TOP1: variants seen among roughly 807,000 people sequenced by gnomAD.
The protein encoded by TOP1 is DNA topoisomerase 1.
Under a neutral mutation model 111.1 loss-of-function variants are expected in TOP1, and 10 were observed. The ratio of observed to expected loss-of-function variants is 0.09; its 90% confidence interval spans 0.06 to 0.15. TOP1 has a LOEUF of 0.15. TOP1 is among the 10% of genes least tolerant of loss of function. The pLI is 1.00. For synonymous variants in TOP1, 271 were observed against 302.9 expected (o/e 0.89, Z 1.10); for missense variants, 474 against 926.7 (o/e 0.51, Z 6.34).
Position 41,116,534 on chromosome 20 carries a change from G to A in TOP1, c.1822+142G>A, listed in dbSNP as rs552471795. 121 of 606,228 alleles carry A rather than the reference G, an allele frequency of 2.0e-4. 1 individual carries two copies. Among genetic ancestry groups the A allele is most frequent in the Non-Finnish European group, 2.9e-4 (98 of 339,446 alleles). The allele number at this position is 606,228 out of a possible 1,614,324, so 37.6% of individuals were successfully genotyped here. A position where few individuals can be genotyped will look rare whatever the true frequency, so the allele number is the denominator to read the frequency against. ...TTTTTCCCTTTAGACCTCTAGTAGCGAGATAATGCTTTGTTGTATAAACAT... is the reference window on the plus strand; with the variant it reads ...TTTTTCCCTTTAGACCTCTAGTAGCAAGATAATGCTTTGTTGTATAAACAT... On this transcript the variant is annotated intron_variant, in intron 17 of 20. Transcript: ENST00000361337. This position sits in a 1 kb window ranked among gnomAD's most constrained non-coding sequence, Gnocchi z 5.6.
chr20:41,042,965 G>A (rs2033286567), intron 2 of TOP1, among the ~76,000 whole-genome samples: 1 of 152,200 alleles, frequency 6.6e-6, no homozygotes, highest in Admixed American at 6.5e-5. Context: ...AGGCTGAGGG[G>A]GAAGAGGAGA....
intron 2 of TOP1, among the ~76,000 whole-genome samples, chr20:41,042,869 A>T (rs1346924357): frequency 2.0e-5 from 3 of 152,232 alleles, no homozygotes; most frequent in Non-Finnish European, 2.9e-5. Flanking sequence ...TATTAAGAAA[A>T]TTGTAAGGAA....
At position 41,083,530 on chromosome 20, in the gene TOP1, T is replaced by C. The variant is rs917865905; in HGVS notation, c.508-932T>C. Reference sequence around the variant, plus strand: ...ATATGACCTTGATCAAGTGACAAAATATGTTTCAAAGTCCTTGATTGTAAC... The same window carrying C: ...ATATGACCTTGATCAAGTGACAAAACATGTTTCAAAGTCCTTGATTGTAAC... On this transcript the variant is annotated intron_variant, in intron 7 of 20. Transcript: ENST00000361337. This position sits in a 1 kb window ranked among gnomAD's most constrained non-coding sequence, Gnocchi z 7.2. 6.6e-6 allele frequency among the ~76,000 whole-genome samples: 1 copy of C among 152,202 alleles called. No homozygotes were observed. Among genetic ancestry groups the C allele is most frequent in the African/African-American group, 2.4e-5 (1 of 41,438 alleles).
chr20:41,072,410 C>A, intron 3 of TOP1: 4 of 985,330 alleles, frequency 4.1e-6, no homozygotes, highest in Non-Finnish European at 4.8e-6. Flanking sequence ...CAAACATATC[C>A]TAAGCCTTTT....
At chr20:41,054,808 A>G (rs1211702355) in intron 2 of TOP1, among the ~76,000 whole-genome samples, 1 of 152,254 alleles carries the variant, frequency 6.6e-6, no homozygotes, top group Admixed American at 6.5e-5. Context: ...TATTTCTGAA[A>G]CAGTAGGAAA....
intron 2 of TOP1, among the ~76,000 whole-genome samples, chr20:41,042,832 C>T (rs1015051132): frequency 1.3e-5 from 2 of 151,968 alleles, no homozygotes; most frequent in Admixed American, 6.6e-5. Context: ...TATGATCTCA[C>T]AATAAAGTAA....
chr20:41,046,872 T>C lies in TOP1; in HGVS notation c.59-14522T>C, dbSNP rs2033341099. 6.6e-6 allele frequency among the ~76,000 whole-genome samples: 1 copy of C among 152,368 alleles called. No homozygotes were observed. The highest frequency in any genetic ancestry group is 1.9e-4 in the East Asian group (1 of 5,182). On this transcript the variant is annotated intron_variant, in intron 2 of 20. Coordinates refer to ENST00000361337, the MANE Select transcript of TOP1 (RefSeq NM_003286.4). This position sits in a 1 kb window ranked among gnomAD's most constrained non-coding sequence, Gnocchi z 4.3. ...GCTGCTTAAGAAGCAGAATTAGCAGTGGGCCAGTCATTGGCCTCTCTTCAG... is the reference window on the plus strand; with the variant it reads ...GCTGCTTAAGAAGCAGAATTAGCAGCGGGCCAGTCATTGGCCTCTCTTCAG...
At chr20:41,088,270 G>GGGCAGATCACGAGGTC (rs1287199857) in intron 8 of TOP1, among the ~76,000 whole-genome samples, 1 of 152,134 alleles carries the variant, frequency 6.6e-6, no homozygotes, top group Non-Finnish European at 1.5e-5. Flanking sequence ...AGGCCGAAGC[G>GGGCAGATCACGAGGTC]GGCAGATCAC....
chr20:41,103,909 C>A (rs969453383), intron 13 of TOP1, among the ~76,000 whole-genome samples: 1 of 152,028 alleles, frequency 6.6e-6, no homozygotes, highest in Non-Finnish European at 1.5e-5. Flanking sequence ...GGATCAGGTA[C>A]CCCGGTATAC....
intron 8 of TOP1, among the ~76,000 whole-genome samples, chr20:41,086,947 G>A (rs988447161): frequency 6.6e-5 from 10 of 152,194 alleles, no homozygotes; most frequent in Non-Finnish European, 4.4e-5. Flanking sequence ...TCTGAAGTCA[G>A]TTATCCAGTC....
intron 13 of TOP1, among the ~76,000 whole-genome samples, chr20:41,104,670 T>C (rs1157685267): frequency 6.6e-6 from 1 of 152,222 alleles, no homozygotes; most frequent in Non-Finnish European, 1.5e-5. Flanking sequence ...CTGAACCTTA[T>C]GCTCAGGAGA....
At position 41,098,948 on chromosome 20, in the gene TOP1, T is replaced by TG. The variant is rs776248509; in HGVS notation, c.975+612dup. On this transcript the variant is annotated intron_variant, in intron 11 of 20. Coordinates refer to ENST00000361337, the MANE Select transcript of TOP1 (RefSeq NM_003286.4). The surrounding 1 kb of genome is among the most constrained non-coding windows in gnomAD (Gnocchi z 5.7). ...ATGAGTAGTTGCAAAAGAGAGTAGTTGCAAAAGAGACTGTGTGGCACTCAA... is the reference window on the plus strand; with the variant it reads ...ATGAGTAGTTGCAAAAGAGAGTAGTTGGCAAAAGAGACTGTGTGGCACTCAA... The TG allele has an allele frequency of 3.9e-5, 6 of 152,204 alleles. No homozygotes were observed. Among genetic ancestry groups the TG allele is most frequent in the Non-Finnish European group, 7.3e-5 (5 of 68,042 alleles). The allele number at this position is 152,204 out of a possible 1,614,324, so 9.4% of individuals were successfully genotyped here.
intron 3 of TOP1, among the ~76,000 whole-genome samples, chr20:41,065,677 C>A (rs1359804553): frequency 6.6e-6 from 1 of 151,916 alleles, no homozygotes; most frequent in Non-Finnish European, 1.5e-5. Context: ...TTTTTTAAAT[C>A]TGTTCTATAT....
At position 41,071,583 on chromosome 20, in the gene TOP1, G is replaced by T. The variant is rs1810604407; in HGVS notation, c.156-4588G>T. ...TGGTCTCGAACTCCTGACCTCAGGT[G>T]ATCTGCCCGCCTCGGCCTCCTGAAG... On this transcript the variant is annotated intron_variant, in intron 3 of 20. Transcript: ENST00000361337. The surrounding 1 kb of genome is among the most constrained non-coding windows in gnomAD (Gnocchi z 4.3). 1.3e-5 allele frequency among the ~76,000 whole-genome samples: 2 copies of T among 152,108 alleles called. No homozygotes were observed. Among genetic ancestry groups the T allele is most frequent in the Non-Finnish European group, 2.9e-5 (2 of 68,026 alleles).
In TOP1 at chr20:41,110,289, GA is replaced by G. The variant is rs951622222; in HGVS notation, c.1309-2483del. Among the ~76,000 whole-genome samples the G allele has an allele frequency of 5.4e-5, 8 of 148,902 alleles. No individual in the cohort carries two copies. Among genetic ancestry groups the G allele is most frequent in the South Asian group, 2.1e-4 (1 of 4,748 alleles). ...ACAGAGCGAGACGCTGTCTCAGAGG[GA>G]AAAAAAAAAGTTAAAAAGGCAGACA... On this transcript the variant is annotated intron_variant, in intron 13 of 20. Transcript: ENST00000361337. The surrounding 1 kb of genome is among the most constrained non-coding windows in gnomAD (Gnocchi z 4.2).
chr20:41,074,706 C>T (rs1043303865), intron 3 of TOP1, among the ~76,000 whole-genome samples: 2 of 152,098 alleles, frequency 1.3e-5, no homozygotes, highest in Non-Finnish European at 2.9e-5. Flanking sequence ...TTTGTTTCTC[C>T]CTTTGTGATC....
chr20:41,082,053 G>A lies in TOP1; in HGVS notation c.507+813G>A, dbSNP rs1287844194. On this transcript the variant is annotated intron_variant, in intron 7 of 20. Transcript: ENST00000361337. This position sits in a 1 kb window ranked among gnomAD's most constrained non-coding sequence, Gnocchi z 4.1. ...GTTAGCAGGTAATTCAAGAAAAGAT[G>A]TCAGAAATTCACAGGGGTCTTAATG... Among the ~76,000 whole-genome samples, 1 of 152,178 alleles carries A rather than the reference G, an allele frequency of 6.6e-6. No homozygotes were observed. Among genetic ancestry groups the A allele is most frequent in the Non-Finnish European group, 1.5e-5 (1 of 68,024 alleles).
chr20:41,097,429 G>A lies in TOP1; in HGVS notation c.852+88G>A. The A allele has an allele frequency of 7.4e-7, 1 of 1,346,348 alleles. No individual in the cohort carries two copies. The highest frequency in any genetic ancestry group is 1.5e-5 in the South Asian group (1 of 67,480). The allele number at this position is 1,346,348 out of a possible 1,614,324, so 83.4% of individuals were successfully genotyped here. A position where few individuals can be genotyped will look rare whatever the true frequency, so the allele number is the denominator to read the frequency against. Reference sequence around the variant, plus strand: ...ATTATCATTTTGCAAAACATTTCCTGATGTAAAATTTGAGTTGTATGGATT... The same window carrying A: ...ATTATCATTTTGCAAAACATTTCCTAATGTAAAATTTGAGTTGTATGGATT... On this transcript the variant is annotated intron_variant, in intron 10 of 20. Coordinates refer to ENST00000361337, the MANE Select transcript of TOP1 (RefSeq NM_003286.4). The surrounding 1 kb of genome is among the most constrained non-coding windows in gnomAD (Gnocchi z 4.2).
At position 41,123,396 on chromosome 20, in the gene TOP1, C is replaced by T. The variant is rs1442803519; in HGVS notation, c.*99C>T. ...TGCCCTCGTGCCTGGGGGAGAGAGGCAGCAAGTCTTAACAAACCAACATCT... is the reference window on the plus strand; with the variant it reads ...TGCCCTCGTGCCTGGGGGAGAGAGGTAGCAAGTCTTAACAAACCAACATCT... On this transcript the variant is annotated 3_prime_UTR_variant, in exon 21 of 21. Transcript: ENST00000361337. The surrounding 1 kb of genome is among the most constrained non-coding windows in gnomAD (Gnocchi z 5.8). 6 of 803,562 alleles carry T rather than the reference C, an allele frequency of 7.5e-6. No homozygotes were observed. Among genetic ancestry groups the T allele is most frequent in the Non-Finnish European group, 1.2e-5 (6 of 491,220 alleles). 49.8% of individuals were successfully genotyped at this position (803,562 alleles called of 1,614,324 possible). A position where few individuals can be genotyped will look rare whatever the true frequency, so the allele number is the denominator to read the frequency against.
Sources: allele counts gnomAD v4.1 joint callset (sites outside exome capture counted in the v4.1 genomes callset), GRCh38; gene constraint gnomAD v4.1.1; non-coding constraint Gnocchi (gnomAD v3.1); transcripts MANE v1.5; gene names NCBI Gene and HGNC (gene_info 2026-07-23, HGNC 2026-07-21).